SLC7A6: variants seen among roughly 807,000 people sequenced by gnomAD.
SLC7A6 encodes Y+L amino acid transporter 2.
SLC7A6 carries 29 observed loss-of-function variants against 46.6 expected under a neutral mutation model. The ratio of observed to expected loss-of-function variants is 0.62; its 90% confidence interval spans 0.46 to 0.85. SLC7A6 has a LOEUF of 0.85. Among genes scored for constraint, SLC7A6 ranks in the 40% least tolerant of loss-of-function variants. The probability of loss-of-function intolerance (pLI) is 0.00; values close to 1 mark genes in which losing one functional copy is unlikely to be tolerated. For missense variants in SLC7A6, 527 were observed against 647.6 expected, an observed-to-expected ratio of 0.81 and a Z score of 2.02; for synonymous variants, 276 against 257.3, an observed-to-expected ratio of 1.07 and a Z score of -0.70.
At chr16:68,291,062 C>T (rs754190629) in intron 5 of SLC7A6, 147 bp from the exon 6 acceptor site, 25 of 952,624 alleles carry the variant, frequency 2.6e-5, no homozygotes, top group Non-Finnish European at 3.8e-5. Context: ...TAGAAAGAAC[C>T]CAGGGTCAAG....
rs2043250547 is a variant in SLC7A6 at position 68,300,477 on chromosome 16, G to A, written c.*3149G>A. 1 of 315,224 alleles carries A rather than the reference G, an allele frequency of 3.2e-6. No individual in the cohort carries two copies. The highest frequency in any genetic ancestry group is 4.6e-6 in the Non-Finnish European group (1 of 217,584). The allele number at this position is 315,224 out of a possible 1,614,324, so 19.5% of individuals were successfully genotyped here. ...AAGAGTAAACATTACTCAGTGGAAA[G>A]CTAAGTTCAGAAGGTACTTTGTTTT... On this transcript the variant is annotated 3_prime_UTR_variant, in exon 11 of 11. Coordinates refer to ENST00000219343, the MANE Select transcript of SLC7A6 (RefSeq NM_003983.6).
At chr16:68,267,831 G>A (rs945135942) in intron 2 of SLC7A6, among the ~76,000 whole-genome samples, 1 of 152,168 alleles carries the variant, frequency 6.6e-6, no homozygotes, top group Admixed American at 6.5e-5. Flanking sequence ...TCCGGGGAGG[G>A]GAGAAAGGAG....
chr16:68,284,366 C>A (rs1207532494), intron 3 of SLC7A6: 3 of 152,088 alleles, frequency 2.0e-5, no homozygotes, highest in Non-Finnish European at 4.4e-5. Context: ...TCACGGTAAA[C>A]CATGGTAAAC....
chr16:68,296,078 T>G (rs554127809), intron 8 of SLC7A6, among the ~76,000 whole-genome samples: 1 of 152,094 alleles, frequency 6.6e-6, no homozygotes, highest in Non-Finnish European at 1.5e-5. Context: ...TGCACTGAAG[T>G]GAGGAGGGCC....
Position 68,300,648 on chromosome 16 carries a change from T to C in SLC7A6, c.*3320T>C. On this transcript the variant is annotated 3_prime_UTR_variant, in exon 11 of 11. Transcript: ENST00000219343. ...TCAAAGCTAGATTTTACTAAACACA[T>C]GTATCACATTCATATATATTGTTTC... 1 of 985,460 alleles carries C rather than the reference T, an allele frequency of 1.0e-6. No individual in the cohort carries two copies. Among genetic ancestry groups the C allele is most frequent in the Non-Finnish European group, 1.2e-6 (1 of 829,934 alleles). 61.0% of individuals were successfully genotyped at this position (985,460 alleles called of 1,614,324 possible). A position where few individuals can be genotyped will look rare whatever the true frequency, so the allele number is the denominator to read the frequency against.
intron 2 of SLC7A6, among the ~76,000 whole-genome samples, chr16:68,269,673 G>A (rs1321071491): frequency 1.3e-5 from 2 of 151,468 alleles, no homozygotes; most frequent in African/African-American, 2.4e-5. Context: ...AGAATCCCTC[G>A]AACCCAGGAG....
chr16:68,272,461 G>GA (rs1010372077), intron 2 of SLC7A6, among the ~76,000 whole-genome samples: 3 of 152,066 alleles, frequency 2.0e-5, no homozygotes, highest in East Asian at 3.9e-4. Flanking sequence ...GACTGAAAGA[G>GA]AAAAAAGTCT....
chr16:68,287,612 C>T (rs899269135), intron 3 of SLC7A6, 134 bp from the exon 4 acceptor site: 127 of 1,515,602 alleles, frequency 8.4e-5, no homozygotes, highest in Admixed American at 3.2e-4. Flanking sequence ...CTTGCCAGTT[C>T]GCCTTGTTCT....
chr16:68,287,581 C>G (rs1484744952), intron 3 of SLC7A6, 165 bp from the exon 4 acceptor site: 2 of 1,477,064 alleles, frequency 1.4e-6, no homozygotes, highest in Non-Finnish European at 1.8e-6. Context: ...TCAGCTGGGG[C>G]GGGTGCAGGG....
At chr16:68,284,402 C>T (rs78248797) in intron 3 of SLC7A6, 6,476 of 152,408 alleles carry the variant, frequency 0.042, 161 homozygotes, top group Middle Eastern at 0.14. Flanking sequence ...GTCTCCTTCC[C>T]TCTCCACAGC....
intron 4 of SLC7A6, among the ~76,000 whole-genome samples, chr16:68,288,897 G>C (rs992324857): frequency 3.3e-5 from 5 of 149,992 alleles, no homozygotes; most frequent in African/African-American, 1.2e-4. Context: ...ACAGGAGGCG[G>C]AAGTTGCAGT....
At chr16:68,296,284 T>A in intron 8 of SLC7A6, 80 bp from the exon 9 acceptor site, 1 of 1,522,710 alleles carries the variant, frequency 6.6e-7, no homozygotes. Flanking sequence ...TCAGATCTAG[T>A]ACTGACTGCT....
Position 68,297,485 on chromosome 16 carries a change from T to A in SLC7A6, c.*157T>A. On this transcript the variant is annotated 3_prime_UTR_variant, in exon 11 of 11. Coordinates refer to ENST00000219343, the MANE Select transcript of SLC7A6 (RefSeq NM_003983.6). ...AGTGCTCACTCTTATTGGTAAGCTA[T>A]AGGAGACTCAGGATCTGGGCCAACC... 2.4e-6 allele frequency: 1 copy of A among 414,952 alleles called. No individual in the cohort carries two copies. The highest frequency in any genetic ancestry group is 4.1e-6 in the Non-Finnish European group (1 of 242,704). The allele number at this position is 414,952 out of a possible 1,614,324, so 25.7% of individuals were successfully genotyped here. A position where few individuals can be genotyped will look rare whatever the true frequency, so the allele number is the denominator to read the frequency against.
chr16:68,278,348 C>A (rs1272646068), intron 3 of SLC7A6, among the ~76,000 whole-genome samples: 1 of 150,256 alleles, frequency 6.7e-6, no homozygotes, highest in African/African-American at 2.5e-5. Flanking sequence ...GTGTTTCTCG[C>A]AGAGGGGGAT....
chr16:68,296,397 G>C lies in SLC7A6; in HGVS notation c.1153G>C (p.Asp385His). 1 of 1,614,020 alleles carries C rather than the reference G, an allele frequency of 6.2e-7. No individual in the cohort carries two copies. Among genetic ancestry groups the C allele is most frequent in the Non-Finnish European group, 8.5e-7 (1 of 1,180,012 alleles). The change falls in exon 9 of 11, where the codon GAT becomes CAT. Residue 385 changes from aspartate (D) to histidine (H), a missense_variant. Physicochemically the swap from Asp to His is moderately conservative, Grantham distance 81. Coordinates refer to ENST00000219343, the MANE Select transcript of SLC7A6 (RefSeq NM_003983.6). ...TMALIYLIVE[D>H]VFQLINYFSF... is the part of the protein sequence containing the mutation. The stretch of plus-strand genomic sequence containing the variant: ...GGCACTCATCTACCTCATCGTGGAG[G>C]ATGTTTTCCAGCTTATCAACTACTT...
chr16:68,281,823 C>T (rs935403767), intron 3 of SLC7A6, among the ~76,000 whole-genome samples: 5 of 152,194 alleles, frequency 3.3e-5, no homozygotes, highest in Admixed American at 6.5e-5. Flanking sequence ...CTTGTGTAGG[C>T]TTATACACAT....
chr16:68,291,008 T>C (rs2043038008), intron 5 of SLC7A6: 2 of 609,598 alleles, frequency 3.3e-6, no homozygotes, highest in Admixed American at 3.0e-5. Flanking sequence ...AGATTAAATA[T>C]TGATCATGAG....
In SLC7A6 at chr16:68,291,244, T is replaced by C; in HGVS notation, c.830T>C (p.Ile277Thr). Residue 277 changes from isoleucine (I) to threonine (T), a missense_variant, in exon 6 of 11, where the codon ATT becomes ACT. Physicochemically the swap from Ile to Thr is moderately conservative, Grantham distance 89. Transcript: ENST00000219343. Reference protein sequence around the residue: ...LPLAIGISMPIVTLIYILTNV... With the variant: ...LPLAIGISMPTVTLIYILTNV... ...TTGGCCATTGGGATTTCTATGCCAA[T>C]TGTGACGCTCATCTACATCCTGACC... 6.2e-7 allele frequency: 1 copy of C among 1,614,244 alleles called. No individual in the cohort carries two copies. The highest frequency in any genetic ancestry group is 8.5e-7 in the Non-Finnish European group (1 of 1,180,034).
At chr16:68,270,533 C>A (rs1419090749) in intron 2 of SLC7A6, among the ~76,000 whole-genome samples, 1 of 152,166 alleles carries the variant, frequency 6.6e-6, no homozygotes, top group African/African-American at 2.4e-5. Flanking sequence ...TGAGTAACCA[C>A]TGAGGTCTAT....
Sources: allele counts gnomAD v4.1 joint callset (sites outside exome capture counted in the v4.1 genomes callset), GRCh38; gene constraint gnomAD v4.1.1; transcripts MANE v1.5; gene names NCBI Gene and HGNC (gene_info 2026-07-23, HGNC 2026-07-21).